Variants in TOMM70 observed in about 807,000 individuals in gnomAD.
TOMM70 encodes translocase of outer mitochondrial membrane 70, also known as mitochondrial import receptor subunit TOM70.
Under a neutral mutation model 73.6 loss-of-function variants are expected in TOMM70, and 13 were observed. The observed-to-expected ratio is 0.18, with a 90% CI of 0.11 to 0.28. TOMM70 has a LOEUF of 0.28. Among genes scored for constraint, TOMM70 ranks in the 10% least tolerant of loss-of-function variants. TOMM70 has a pLI of 1.00. For synonymous variants in TOMM70, 257 were observed against 271.2 expected, an observed-to-expected ratio of 0.95 and a Z score of 0.51; for missense variants, 609 against 747.5, an observed-to-expected ratio of 0.81 and a Z score of 2.16.
At chr3:100,396,651 T>A (rs1403082465) in intron 1 of TOMM70, among the ~76,000 whole-genome samples, 1 of 152,168 alleles carries the variant, frequency 6.6e-6, no homozygotes. Flanking sequence ...CCTTGCAATT[T>A]AAAATTTTTT....
chr3:100,375,838 T>C (rs1398273308), intron 6 of TOMM70, among the ~76,000 whole-genome samples: 3 of 152,188 alleles, frequency 2.0e-5, no homozygotes, highest in Non-Finnish European at 2.9e-5. Context: ...CCAGCTCTCA[T>C]GTACAAGTTT....
intron 5 of TOMM70, among the ~76,000 whole-genome samples, chr3:100,378,453 G>C (rs1706590954): frequency 6.6e-6 from 1 of 152,088 alleles, no homozygotes. Flanking sequence ...CCTTGGAGGA[G>C]GAGTTTTAAA....
chr3:100,366,631 A>C (rs183942548), intron 11 of TOMM70, among the ~76,000 whole-genome samples: 388 of 152,376 alleles, frequency 2.5e-3, no homozygotes, highest in African/African-American at 8.9e-3. Flanking sequence ...CAGCTAGCAG[A>C]TCTGCAAAAT....
At chr3:100,377,994 C>T (rs1432086411) in intron 5 of TOMM70, 82 bp from the exon 6 acceptor site, 3 of 1,278,996 alleles carry the variant, frequency 2.3e-6, no homozygotes, top group Non-Finnish European at 2.2e-6. Flanking sequence ...CGCCTGTAAT[C>T]CCAGCACTTT....
chr3:100,372,396 T>A, intron 9 of TOMM70: 1 of 399,598 alleles, frequency 2.5e-6, no homozygotes, highest in East Asian at 3.6e-5. Flanking sequence ...CTTCCCCATA[T>A]TGAGTTTAGG....
chr3:100,383,526 A>C (rs4323034), intron 4 of TOMM70, among the ~76,000 whole-genome samples: 23,324 of 142,182 alleles, frequency 0.16, 2,078 homozygotes, highest in African/African-American at 0.26. Flanking sequence ...AACAAACAAA[A>C]AAAAAAAAAA....
chr3:100,363,634 T>C lies in TOMM70; in HGVS notation c.*1930A>G, dbSNP rs1309430830. On this transcript the variant is annotated 3_prime_UTR_variant, in exon 12 of 12. Coordinates refer to ENST00000284320, the MANE Select transcript of TOMM70 (RefSeq NM_014820.5). Reference sequence around the variant, plus strand: ...CATGCTTCAGTTTCCTTTGTGTTTCTCTACCCAACCCCAAGATGAAAGAAG... The same window carrying C: ...CATGCTTCAGTTTCCTTTGTGTTTCCCTACCCAACCCCAAGATGAAAGAAG... 6.6e-6 allele frequency: 1 copy of C among 152,640 alleles called. No individual in the cohort carries two copies. The highest frequency in any genetic ancestry group is 2.4e-5 in the African/African-American group (1 of 41,450). 9.5% of individuals were successfully genotyped at this position (152,640 alleles called of 1,614,324 possible). A position where few individuals can be genotyped will look rare whatever the true frequency, so the allele number is the denominator to read the frequency against.
rs1559829043 is a variant in TOMM70 at position 100,365,548 on chromosome 3, C to T, written c.*16G>A. 2 of 1,613,996 alleles carry T rather than the reference C, an allele frequency of 1.2e-6. No individual in the cohort carries two copies. The highest frequency in any genetic ancestry group is 8.5e-7 in the Non-Finnish European group (1 of 1,179,896). ...GTAAACTTTTAAAAAGAGGGTCAGT[C>T]TGCTTTCCCCCTGTTTTATAATGTT... On this transcript the variant is annotated 3_prime_UTR_variant, in exon 12 of 12. Transcript: ENST00000284320.
intron 3 of TOMM70, among the ~76,000 whole-genome samples, chr3:100,385,062 T>G (rs1706675035): frequency 6.6e-6 from 1 of 152,212 alleles, no homozygotes; most frequent in Non-Finnish European, 1.5e-5. Flanking sequence ...GGTTTGAAAT[T>G]AAAAAGTAAG....
rs888313546 is a variant in TOMM70, at chr3:100,371,567, A to G, written c.1452+1039T>C. ...CAGGCAGGAGCCACCACACCCAGCC[A>G]GGGGATAGTAATTTGTTATCGTTTC... On this transcript the variant is annotated intron_variant, in intron 9 of 11. Coordinates refer to ENST00000284320, the MANE Select transcript of TOMM70 (RefSeq NM_014820.5). 2.0e-5 allele frequency among the ~76,000 whole-genome samples: 3 copies of G among 152,098 alleles called. No homozygotes were observed. The East Asian group carries it at 5.8e-4, about 29-fold the overall frequency.
chr3:100,378,206 G>A lies in TOMM70; in HGVS notation c.885-294C>T, dbSNP rs146895610. Among the ~76,000 whole-genome samples the A allele has an allele frequency of 3.9e-3, 599 of 151,792 alleles. 2 individuals are homozygous for A. The highest frequency in any genetic ancestry group is 6.3e-3 in the Non-Finnish European group (429 of 67,926). Reference sequence around the variant, plus strand: ...TGCAGTGAGCCGAGATGGTGCCACTGCATTCCAGCCTGGGAGACAGAGCAA... The same window carrying A: ...TGCAGTGAGCCGAGATGGTGCCACTACATTCCAGCCTGGGAGACAGAGCAA... On this transcript the variant is annotated intron_variant, in intron 5 of 11. Transcript: ENST00000284320.
At chr3:100,370,427 A>T (rs1007004893) in intron 9 of TOMM70, among the ~76,000 whole-genome samples, 2 of 152,236 alleles carry the variant, frequency 1.3e-5, no homozygotes, top group Admixed American at 1.3e-4. Flanking sequence ...GTTAACATTT[A>T]GGATTTTCCC....
intron 7 of TOMM70, 88 bp from the exon 8 acceptor site, chr3:100,373,733 A>T: frequency 3.0e-5 from 23 of 765,282 alleles, no homozygotes; most frequent in Non-Finnish European, 4.5e-5. Context: ...ACCTCAGCAT[A>T]ATGCTGAGCA....
intron 5 of TOMM70, 22 bp from the exon 6 acceptor site, chr3:100,377,934 G>A: frequency 6.3e-7 from 1 of 1,594,374 alleles, no homozygotes; most frequent in Non-Finnish European, 8.6e-7. Context: ...AACAAACATA[G>A]GAAATTATTT....
chr3:100,365,619 G>A lies in TOMM70; in HGVS notation c.1772C>T (p.Ala591Val), dbSNP rs1306974055. Residue 591 changes from alanine to valine, a missense_variant, in exon 12 of 12, where the codon GCC becomes GTC. Coordinates refer to ENST00000284320, the MANE Select transcript of TOMM70 (RefSeq NM_014820.5). ...CTTTGCAACTTCTGTCTGGGCATGG[G>A]CGGCATCGCAAAGTGAATACAGATG... ...MAHLYSLCDA[A>V]HAQTEVAKKY... 1.2e-6 allele frequency: 2 copies of A among 1,614,184 alleles called. No homozygotes were observed. The highest frequency in any genetic ancestry group is 1.7e-6 in the Non-Finnish European group (2 of 1,180,036).
At chr3:100,367,641 AT>A (rs1236868042) in intron 11 of TOMM70, among the ~76,000 whole-genome samples, 1 of 152,234 alleles carries the variant, frequency 6.6e-6, no homozygotes, top group Non-Finnish European at 1.5e-5. Context: ...CAGTATTAAG[AT>A]GGTATACAAT....
chr3:100,374,872 A>G (rs1706545679), intron 7 of TOMM70, 146 bp downstream of exon 7: 1 of 929,590 alleles, frequency 1.1e-6, no homozygotes, highest in African/African-American at 1.7e-5. Flanking sequence ...ACAAAGGCCA[A>G]TTCAAACTGT....
chr3:100,383,076 GCAATCCAACCA>G, intron 4 of TOMM70, among the ~76,000 whole-genome samples: 1 of 152,184 alleles, frequency 6.6e-6, no homozygotes, highest in Non-Finnish European at 1.5e-5. Flanking sequence ...TTACCATCTT[GCAATCCAACCA>G]GTCTAATTAC....
At chr3:100,372,245 T>C (rs1366966564) in intron 9 of TOMM70, 6 of 175,044 alleles carry the variant, frequency 3.4e-5, no homozygotes, top group Non-Finnish European at 4.8e-5. Context: ...CCTAGCCATA[T>C]AAAAAGGCAG....
Sources: allele counts gnomAD v4.1 joint callset (sites outside exome capture counted in the v4.1 genomes callset), GRCh38; gene constraint gnomAD v4.1.1; transcripts MANE v1.5; gene names NCBI Gene and HGNC (gene_info 2026-07-23, HGNC 2026-07-21).